Variants in STK33 observed in about 807,000 individuals in gnomAD.
STK33 encodes serine/threonine kinase 33.
In STK33, 52 loss-of-function variants were observed where a neutral mutation model predicts 58.0. That is an observed-to-expected ratio of 0.90 (90% CI 0.72 to 1.13). STK33 has a LOEUF of 1.13. STK33 is among the 50% of genes most tolerant of loss of function. The pLI is 0.00. For missense variants in STK33, 630 were observed against 604.2 expected (o/e 1.04, Z -0.45); for synonymous variants, 215 against 200.1 (o/e 1.07, Z -0.63).
At chr11:8,556,167 T>C (rs1236963680) in intron 1 of STK33, among the ~76,000 whole-genome samples, 1 of 152,134 alleles carries the variant, frequency 6.6e-6, no homozygotes, top group Non-Finnish European at 1.5e-5. Flanking sequence ...CTAGGGCCAG[T>C]TGGGGAGGGC....
chr11:8,447,119 AAAAGAAC>A (rs1159257801), intron 11 of STK33, among the ~76,000 whole-genome samples: 1 of 151,930 alleles, frequency 6.6e-6, no homozygotes, highest in East Asian at 1.9e-4. Context: ...AACTTACAAG[AAAAGAAC>A]AACCCCATCA....
rs922542479 is a variant in STK33, at chr11:8,392,402, A to G, written c.*108T>C. 4 of 1,291,300 alleles carry G rather than the reference A, an allele frequency of 3.1e-6. No homozygotes were observed. Among genetic ancestry groups the G allele is most frequent in the Non-Finnish European group, 4.4e-6 (4 of 917,758 alleles). The allele number at this position is 1,291,300 out of a possible 1,614,324, so 80.0% of individuals were successfully genotyped here. On this transcript the variant is annotated 3_prime_UTR_variant, in exon 16 of 16. Coordinates refer to ENST00000687296, the MANE Select transcript of STK33 (RefSeq NM_001352389.2). ...ACACATGGCGGGGCTCTGTGGAGCTAAAAGGCTACAAGCTCAGCATAGGGC... is the reference window on the plus strand; with the variant it reads ...ACACATGGCGGGGCTCTGTGGAGCTGAAAGGCTACAAGCTCAGCATAGGGC...
chr11:8,535,652 A>C (rs1397394148), intron 1 of STK33, among the ~76,000 whole-genome samples: 2 of 152,220 alleles, frequency 1.3e-5, no homozygotes, highest in African/African-American at 4.8e-5. Flanking sequence ...AAACTAGTAC[A>C]GCCACTATGG....
chr11:8,454,750 G>A lies in STK33; in HGVS notation c.780C>T (p.Asn260=). 6.4e-7 allele frequency: 1 copy of A among 1,568,804 alleles called. No homozygotes were observed. Among genetic ancestry groups the A allele is most frequent in the African/African-American group, 1.4e-5 (1 of 72,978 alleles). The stretch of plus-strand genomic sequence containing the variant: ...CCACCATTGCTAATCTTACCTTTAT[G>A]TTTAAGTTTATTTCATTGTTATCAT... ...LIDDNNEINL[N]IKVTDFGLAV... Residue 260 remains asparagine (N), a synonymous_variant, in exon 10 of 16, where the codon AAC becomes AAT. Transcript: ENST00000687296.
At chr11:8,401,770 A>G (rs541716834) in intron 15 of STK33, among the ~76,000 whole-genome samples, 46 of 152,378 alleles carry the variant, frequency 3.0e-4, no homozygotes, top group African/African-American at 1.1e-3. Flanking sequence ...AAACAAATTT[A>G]CAAGAAAAAA....
At position 8,444,689 on chromosome 11, in the gene STK33, T is replaced by C. The variant is rs540001965; in HGVS notation, c.872-3936A>G. Among the ~76,000 whole-genome samples the C allele has an allele frequency of 5.3e-5, 8 of 152,044 alleles. No individual in the cohort carries two copies. In the South Asian group the frequency reaches 1.2e-3, roughly 24 times the overall value. On this transcript the variant is annotated intron_variant, in intron 11 of 15. Coordinates refer to ENST00000687296, the MANE Select transcript of STK33 (RefSeq NM_001352389.2). ...TATGTCAATGAAACTGAAGTCTCAA[T>C]AAAAGAAACAATTTTCTAGAAAAAC...
intron 1 of STK33, among the ~76,000 whole-genome samples, chr11:8,510,416 T>C (rs908523560): frequency 1.3e-5 from 2 of 152,180 alleles, no homozygotes; most frequent in South Asian, 2.1e-4. Context: ...TTGTCAGATA[T>C]GTAGTTGGAG....
chr11:8,430,360 T>C (rs1233032073), intron 14 of STK33, among the ~76,000 whole-genome samples: 4 of 152,184 alleles, frequency 2.6e-5, no homozygotes, highest in East Asian at 3.9e-4. Flanking sequence ...GATCACATAT[T>C]ACCTCCACCC....
At chr11:8,424,030 C>G (rs976012460) in intron 14 of STK33, among the ~76,000 whole-genome samples, 2 of 151,738 alleles carry the variant, frequency 1.3e-5, no homozygotes, top group African/African-American at 4.8e-5. Context: ...GGTACATGTG[C>G]ACATTGTGCA....
chr11:8,522,280 G>T (rs1449717012), intron 1 of STK33, among the ~76,000 whole-genome samples: 1 of 152,154 alleles, frequency 6.6e-6, no homozygotes, highest in Non-Finnish European at 1.5e-5. Context: ...ATACACCATG[G>T]AATACTATGC....
At chr11:8,426,193 G>A (rs1942719894) in intron 14 of STK33, among the ~76,000 whole-genome samples, 2 of 152,210 alleles carry the variant, frequency 1.3e-5, no homozygotes, top group Admixed American at 1.3e-4. Flanking sequence ...GAGCCAGAAG[G>A]GAGATGGAGT....
intron 1 of STK33, among the ~76,000 whole-genome samples, chr11:8,506,666 T>C (rs1312106746): frequency 6.6e-6 from 1 of 152,150 alleles, no homozygotes; most frequent in African/African-American, 2.4e-5. Flanking sequence ...AATTCTGCAA[T>C]GTCTCTTTTG....
the STK33 span, among the ~76,000 whole-genome samples, chr11:8,348,804 C>G: frequency 6.6e-6 from 1 of 152,130 alleles, no homozygotes; most frequent in African/African-American, 2.4e-5. Flanking sequence ...TGCCTTCCTG[C>G]TTCAATAACC....
intron 1 of STK33, among the ~76,000 whole-genome samples, chr11:8,543,689 C>T (rs1173454161): frequency 4.6e-5 from 7 of 152,154 alleles, no homozygotes; most frequent in African/African-American, 1.7e-4. Flanking sequence ...TTTGATAGCA[C>T]AACAGGGTGA....
At chr11:8,339,194 G>A in the STK33 span, among the ~76,000 whole-genome samples, 1 of 152,180 alleles carries the variant, frequency 6.6e-6, no homozygotes, top group Non-Finnish European at 1.5e-5. Context: ...GGGGAGCGAT[G>A]GGGCTCCGAG....
chr11:8,558,850 C>G (rs1328763396), intron 1 of STK33, among the ~76,000 whole-genome samples: 1 of 152,174 alleles, frequency 6.6e-6, no homozygotes, highest in Non-Finnish European at 1.5e-5. Flanking sequence ...AGCAAATTCA[C>G]GTTTTCAAAA....
chr11:8,469,031 T>C (rs75259717), intron 6 of STK33, among the ~76,000 whole-genome samples: 3,577 of 152,272 alleles, frequency 0.023, 79 homozygotes, highest in Admixed American at 0.045. Context: ...CCTGCCTCCA[T>C]GTAGATGACT....
At chr11:8,351,603 T>C in the STK33 span, among the ~76,000 whole-genome samples, 1 of 152,238 alleles carries the variant, frequency 6.6e-6, no homozygotes, top group African/African-American at 2.4e-5. Context: ...AGAGGCTGAT[T>C]CCATCTCTCG....
At chr11:8,448,821 G>T (rs1945867399) in intron 11 of STK33, among the ~76,000 whole-genome samples, 1 of 152,140 alleles carries the variant, frequency 6.6e-6, no homozygotes. Context: ...CACAGCAAAA[G>T]AAACTACCAT....
Sources: allele counts gnomAD v4.1 joint callset (sites outside exome capture counted in the v4.1 genomes callset), GRCh38; gene constraint gnomAD v4.1.1; transcripts MANE v1.5; gene names NCBI Gene and HGNC (gene_info 2026-07-23, HGNC 2026-07-21).